Variants in HUWE1 observed in about 807,000 individuals in gnomAD.
HUWE1 encodes HECT, UBA and WWE domain containing E3 ubiquitin protein ligase 1.
Under a neutral mutation model 299.4 loss-of-function variants are expected in HUWE1, and 18 were observed. The ratio of observed to expected loss-of-function variants is 0.06; its 90% CI spans 0.04 to 0.09. HUWE1 has a LOEUF of 0.09. Ranked by LOEUF, HUWE1 falls within the 10% of genes least tolerant of loss-of-function variation. The probability of loss-of-function intolerance (pLI) is 1.00; values close to 1 mark genes in which losing one functional copy is unlikely to be tolerated. For missense variants in HUWE1, 1,832 were observed against 3,462.3 expected (o/e 0.53, Z 11.82); for synonymous variants, 1,317 against 1,286.1 (o/e 1.02, Z -0.51).
At position 53,533,957 on chromosome X, in the gene HUWE1, T is replaced by C. The variant is rs782440269; in HGVS notation, c.13022+50A>G. 2.3e-5 allele frequency: 26 copies of C among 1,121,800 alleles called. No individual in the cohort carries two copies. In the Admixed American group the frequency reaches 3.7e-4, roughly 16 times the overall value. 92.4% of individuals were successfully genotyped at this position (1,121,800 alleles called of 1,213,427 possible). A position where few individuals can be genotyped will look rare whatever the true frequency, so the allele number is the denominator to read the frequency against. On this transcript the variant is annotated intron_variant, in intron 83 of 83. Coordinates refer to ENST00000262854, the MANE Select transcript of HUWE1 (RefSeq NM_031407.7). ...GGTAGGGTCCTGAAAACATCAAGTA[T>C]GCAAGCTCAACCTAAGCACTGAAAA... is the stretch of plus-strand genomic sequence containing the variant.
intron 7 of HUWE1, among the ~76,000 whole-genome samples, chrX:53,638,271 T>G (rs1269225460): frequency 7.3e-5 from 8 of 110,193 alleles, no homozygotes; most frequent in Non-Finnish European, 1.5e-4. Flanking sequence ...ACCCAGGAGG[T>G]GGAGCTGGCA....
chrX:53,614,656 A>G lies in HUWE1; in HGVS notation c.2139T>C (p.Ala713=). The G allele has an allele frequency of 8.3e-7, 1 of 1,205,727 alleles. No individual in the cohort carries two copies. Among genetic ancestry groups the G allele is most frequent in the Non-Finnish European group, 1.1e-6 (1 of 890,310 alleles). The change falls in exon 23 of 84, where the codon GCT becomes GCC. Residue 713 remains alanine, a synonymous_variant. Transcript: ENST00000262854. ...SIQKADGTAT[A]PPPRSNHAAE... The stretch of plus-strand genomic sequence containing the variant: ...CGGCATGATTAGACCTTGGGGGAGG[A>G]GCAGTGGCAGTGCCATCTGCCTTCT...
intron 18 of HUWE1, among the ~76,000 whole-genome samples, chrX:53,624,879 G>C (rs2066382704): frequency 9.0e-6 from 1 of 111,435 alleles, no homozygotes; most frequent in South Asian, 3.7e-4. Flanking sequence ...AAAAAAGAAA[G>C]AACACAAACA....
At chrX:53,654,777 A>C (rs2068668726) in intron 3 of HUWE1, among the ~76,000 whole-genome samples, 1 of 112,621 alleles carries the variant, frequency 8.9e-6, no homozygotes, top group African/African-American at 3.2e-5. Context: ...TTATGTCTAA[A>C]GAAAACAGCT....
At chrX:53,649,441 C>A (rs2068303602) in intron 4 of HUWE1, among the ~76,000 whole-genome samples, 1 of 112,083 alleles carries the variant, frequency 8.9e-6, no homozygotes, top group South Asian at 3.7e-4. Flanking sequence ...TCGTGAGATT[C>A]AAACTGGGAG....
At chrX:53,587,046 C>T in intron 37 of HUWE1, 137 bp from the exon 38 acceptor site, 2 of 696,500 alleles carry the variant, frequency 2.9e-6, no homozygotes, top group Non-Finnish European at 4.4e-6. Context: ...TTACCTCTTA[C>T]CATTTACCAG....
intron 23 of HUWE1, among the ~76,000 whole-genome samples, chrX:53,611,731 G>A (rs1270387789): frequency 9.1e-6 from 1 of 109,794 alleles, no homozygotes; most frequent in Non-Finnish European, 1.9e-5. Flanking sequence ...GGTGGCACGT[G>A]TCTGTAATCC....
chrX:53,618,583 T>A (rs1012923295), intron 19 of HUWE1, among the ~76,000 whole-genome samples: 1 of 106,347 alleles, frequency 9.4e-6, no homozygotes, highest in African/African-American at 3.5e-5. Flanking sequence ...TTTTTTTTTT[T>A]AGACGGAGTC....
In HUWE1 at chrX:53,564,740, C is replaced by T; in HGVS notation, c.6881-18G>A. ...AGGCTCGCCTGAAACAATCAACCAA[C>T]CAGCAAAATAATCAAAGAGTGCCTA... On this transcript the variant is annotated intron_variant, in intron 50 of 83. Coordinates refer to ENST00000262854, the MANE Select transcript of HUWE1 (RefSeq NM_031407.7). The T allele has an allele frequency of 1.7e-6, 2 of 1,211,753 alleles. No individual in the cohort carries two copies. The highest frequency in any genetic ancestry group is 1.1e-6 in the Non-Finnish European group (1 of 895,471).
intron 7 of HUWE1, among the ~76,000 whole-genome samples, chrX:53,643,604 G>T (rs1557032943): frequency 1.8e-5 from 2 of 110,369 alleles, no homozygotes; most frequent in Admixed American, 1.9e-4. Context: ...TGCCTGCCTC[G>T]GCCCCCCAAA....
At chrX:53,548,842 G>A in intron 67 of HUWE1, 117 bp downstream of exon 67, 1 of 615,026 alleles carries the variant, frequency 1.6e-6, no homozygotes, top group East Asian at 3.6e-5. Flanking sequence ...ACAATACAGG[G>A]CTCAACACTT....
intron 3 of HUWE1, among the ~76,000 whole-genome samples, chrX:53,673,743 T>C (rs1198151248): frequency 3.6e-5 from 4 of 111,745 alleles, no homozygotes; most frequent in African/African-American, 1.3e-4. Context: ...CACAAAAAAA[T>C]GTAAGGCAAA....
At chrX:53,683,572 C>G (rs2149696718) in intron 2 of HUWE1, among the ~76,000 whole-genome samples, 1 of 110,412 alleles carries the variant, frequency 9.1e-6, no homozygotes, top group Non-Finnish European at 1.9e-5. Flanking sequence ...GCGGCGACAA[C>G]GGAGGCGTTG....
intron 25 of HUWE1, among the ~76,000 whole-genome samples, chrX:53,605,978 G>C (rs2065128679): frequency 8.9e-6 from 1 of 111,800 alleles, no homozygotes; most frequent in Admixed American, 9.5e-5. Context: ...CTGAATATAA[G>C]AGCTAAGTTA....
Position 53,554,720 on chromosome X carries a change from G to T in HUWE1, c.8407C>A (p.Pro2803Thr). ...EGGSSTQLLM[P>T]VEPEELGPTR... is the part of the protein sequence containing the mutation. ...GGACCCAATTCCTCTGGCTCTACAG[G>T]CATCAATAGCTGTGTAGAGCTGCCC... Residue 2803 changes from proline to threonine, a missense_variant, in exon 61 of 84, where the codon CCT becomes ACT. Around this residue, in one of 15 missense-constraint regions of HUWE1, gnomAD observed 143 missense variants for 148.1 expected, o/e 0.97. Coordinates refer to ENST00000262854, the MANE Select transcript of HUWE1 (RefSeq NM_031407.7). 1 of 1,210,065 alleles carries T rather than the reference G, an allele frequency of 8.3e-7. No homozygotes were observed.
chrX:53,534,513 C>G lies in HUWE1; in HGVS notation c.12831+3G>C, dbSNP rs782632138. On this transcript the variant is annotated splice_donor_region_variant and intron_variant, in intron 82 of 83. Coordinates refer to ENST00000262854, the MANE Select transcript of HUWE1 (RefSeq NM_031407.7). ...ATGAGGAGGGATGCCAGCAGCAGCT[C>G]ACCTGAATAGAGTTGGACTGGTACT... 5.0e-6 allele frequency: 6 copies of G among 1,204,188 alleles called. No individual in the cohort carries two copies. The highest frequency in any genetic ancestry group is 2.5e-4 in the Middle Eastern group (1 of 3,952).
intron 39 of HUWE1, among the ~76,000 whole-genome samples, chrX:53,585,575 G>A (rs2063817190): frequency 8.9e-6 from 1 of 112,229 alleles, no homozygotes; most frequent in Admixed American, 9.4e-5. Context: ...GACACCTCTT[G>A]CTCTTCCACC....
chrX:53,556,478 A>G (rs1337274489), intron 60 of HUWE1: 3 of 297,466 alleles, frequency 1.0e-5, no homozygotes, highest in Non-Finnish European at 1.3e-5. Context: ...TGGTACAATC[A>G]TTTTCCAACT....
intron 60 of HUWE1, among the ~76,000 whole-genome samples, chrX:53,555,948 T>C (rs1394250885): frequency 8.9e-6 from 1 of 112,134 alleles, no homozygotes; most frequent in East Asian, 2.8e-4. Flanking sequence ...TGGCCCAAAA[T>C]TCTTAAAGTA....
Sources: gnomAD v4.1 joint callset for allele counts (sites outside exome capture counted in the v4.1 genomes callset) on GRCh38, gnomAD v4.1.1 for gene constraint, gnomAD v4.1.1 regional missense constraint, MANE v1.5 for transcripts, NCBI Gene and HGNC (gene_info 2026-07-23, HGNC 2026-07-21) for gene names.